Variants in MACROD2 observed in about 807,000 individuals in gnomAD.
MACROD2 encodes the protein mono-ADP ribosylhydrolase 2, also known as ADP-ribose glycohydrolase MACROD2.
A neutral mutation model predicts 70.4 loss-of-function variants in MACROD2; 36 were observed. The ratio of observed to expected loss-of-function variants is 0.51; its 90% CI spans 0.39 to 0.68. The LOEUF is 0.68. Among genes scored for constraint, MACROD2 ranks in the 30% least tolerant of loss-of-function variants. The probability of loss-of-function intolerance (pLI) is 0.00; values close to 1 mark genes in which losing one functional copy is unlikely to be tolerated. For synonymous variants in MACROD2, 172 were observed against 178.8 expected, an observed-to-expected ratio of 0.96 and a Z score of 0.30; for missense variants, 496 against 538.4, an observed-to-expected ratio of 0.92 and a Z score of 0.78.
chr20:15,250,737 T>C (rs188475777), intron 6 of MACROD2, among the ~76,000 whole-genome samples: 1 of 152,324 alleles, frequency 6.6e-6, no homozygotes, highest in Admixed American at 6.5e-5. Context: ...ATCTCAGCTC[T>C]GTCTTCTCTT....
chr20:15,222,007 G>A (rs577118937), intron 5 of MACROD2, among the ~76,000 whole-genome samples: 5 of 152,142 alleles, frequency 3.3e-5, no homozygotes, highest in Non-Finnish European at 5.9e-5. Context: ...AGGAGGGTGA[G>A]AGAGGTAAAC....
At chr20:15,620,632 C>A (rs892403791) in intron 8 of MACROD2, among the ~76,000 whole-genome samples, 1 of 152,108 alleles carries the variant, frequency 6.6e-6, no homozygotes, top group African/African-American at 2.4e-5. Flanking sequence ...TTAGACTATT[C>A]ATGTAATTTA....
At chr20:14,301,250 A>T (rs2082472737) in intron 3 of MACROD2, among the ~76,000 whole-genome samples, 1 of 152,168 alleles carries the variant, frequency 6.6e-6, no homozygotes. Context: ...AAAGATTTGC[A>T]TGTGAATATA....
At chr20:15,101,134 C>T (rs1198538409) in intron 5 of MACROD2, among the ~76,000 whole-genome samples, 1 of 152,014 alleles carries the variant, frequency 6.6e-6, no homozygotes, top group Non-Finnish European at 1.5e-5. Context: ...TGTACAGGTA[C>T]AGTAAGTTGA....
intron 6 of MACROD2, among the ~76,000 whole-genome samples, chr20:15,266,400 T>G (rs1345238864): frequency 6.6e-6 from 1 of 152,180 alleles, no homozygotes; most frequent in Non-Finnish European, 1.5e-5. Flanking sequence ...ACAATGAACT[T>G]GTGTTGACTA....
intron 7 of MACROD2, among the ~76,000 whole-genome samples, chr20:15,460,230 G>A (rs2046789019): frequency 6.6e-6 from 1 of 152,134 alleles, no homozygotes; most frequent in African/African-American, 2.4e-5. Context: ...ATAAGAAGGA[G>A]GTGCAGGTAA....
intron 8 of MACROD2, among the ~76,000 whole-genome samples, chr20:15,642,424 C>T (rs2049473999): frequency 6.6e-6 from 1 of 152,004 alleles, no homozygotes; most frequent in African/African-American, 2.4e-5. Context: ...TCGAATTCAA[C>T]CTTCTGTGAG....
intron 5 of MACROD2, among the ~76,000 whole-genome samples, chr20:15,074,769 G>A (rs951790470): frequency 7.2e-5 from 11 of 152,268 alleles, no homozygotes; most frequent in Admixed American, 1.3e-4. Context: ...TGTCAGAAGC[G>A]TTCTGTGTGA....
chr20:15,035,456 A>G (rs62202790), intron 5 of MACROD2, among the ~76,000 whole-genome samples: 5,287 of 152,260 alleles, frequency 0.035, 146 homozygotes, highest in Middle Eastern at 0.051. Flanking sequence ...AAAAAATTGT[A>G]GTCAAATTTG....
chr20:14,817,765 A>G (rs142279554), intron 5 of MACROD2, among the ~76,000 whole-genome samples: 102 of 152,280 alleles, frequency 6.7e-4, no homozygotes, highest in African/African-American at 2.1e-3. Flanking sequence ...GAGTTAAGGG[A>G]CAACGGAGGT....
intron 2 of MACROD2, among the ~76,000 whole-genome samples, chr20:14,076,390 C>G (rs1479037572): frequency 6.6e-6 from 1 of 152,026 alleles, no homozygotes; most frequent in Non-Finnish European, 1.5e-5. Flanking sequence ...GTAGATCACA[C>G]CTGTAATCCC....
chr20:15,918,370 T>C (rs1259672792), intron 10 of MACROD2, among the ~76,000 whole-genome samples: 2 of 152,238 alleles, frequency 1.3e-5, no homozygotes, highest in Non-Finnish European at 2.9e-5. Flanking sequence ...TCAAGTAGTA[T>C]ATGCGTATAT....
intron 5 of MACROD2, among the ~76,000 whole-genome samples, chr20:15,079,774 A>G (rs112531959): frequency 0.023 from 3,427 of 152,020 alleles, 117 homozygotes; most frequent in African/African-American, 0.079. Context: ...AAAGCTCACA[A>G]CCACACTCTG....
chr20:14,960,368 C>T lies in MACROD2; in HGVS notation c.419-269572C>T, dbSNP rs556670691. On this transcript the variant is annotated intron_variant, in intron 5 of 17. Coordinates refer to ENST00000684519, the MANE Select transcript of MACROD2 (RefSeq NM_001351661.2). ...CCCCAGCAGAAAGCTCCCACACCAT[C>T]CTGTGTGCAGACTTCCCAGGGGGAG... Among the ~76,000 whole-genome samples the T allele has an allele frequency of 5.3e-5, 8 of 152,302 alleles. No homozygotes were observed. In the South Asian group the frequency reaches 8.3e-4, roughly 16 times the overall value.
chr20:15,351,734 G>A (rs1275770113), intron 6 of MACROD2, among the ~76,000 whole-genome samples: 2 of 152,136 alleles, frequency 1.3e-5, no homozygotes, highest in African/African-American at 4.8e-5. Flanking sequence ...GACCTTCTTG[G>A]AGAATGTGCC....
rs1191454578 is a variant in MACROD2, at chr20:14,923,803, G to T, written c.418+238844G>T. ...TGGCGGTGCGTTGGGGGAGGGGGGG[G>T]CGGCGGGGCGGGGAGGGGGTGGAGG... is the stretch of plus-strand genomic sequence containing the variant. On this transcript the variant is annotated intron_variant, in intron 5 of 17. Transcript: ENST00000684519. Among the ~76,000 whole-genome samples, 9 of 131,012 alleles carry T rather than the reference G, an allele frequency of 6.9e-5. 1 individual carries two copies. The allele number at this position is 131,012 out of a possible 152,430, so 85.9% of individuals were successfully genotyped here. A position where few individuals can be genotyped will look rare whatever the true frequency, so the allele number is the denominator to read the frequency against.
At chr20:14,410,860 A>G (rs1339170226) in intron 3 of MACROD2, among the ~76,000 whole-genome samples, 1 of 152,120 alleles carries the variant, frequency 6.6e-6, no homozygotes, top group Non-Finnish European at 1.5e-5. Context: ...CTCAACTACA[A>G]ACACTCTCAT....
chr20:15,099,685 GGAC>G, intron 5 of MACROD2, among the ~76,000 whole-genome samples: 1 of 152,132 alleles, frequency 6.6e-6, no homozygotes, highest in East Asian at 1.9e-4. Flanking sequence ...AAGGGGTGAT[GGAC>G]ACAGGCGGGA....
In MACROD2 at chr20:15,823,145, G is replaced by A. The variant is rs1457056886; in HGVS notation, c.646-39600G>A. ...GCAACATGGATAAATATTTGAAAGAGTATTGCTAATGACAAAGCAAAAGTG... is the reference window on the plus strand; with the variant it reads ...GCAACATGGATAAATATTTGAAAGAATATTGCTAATGACAAAGCAAAAGTG... On this transcript the variant is annotated intron_variant, in intron 8 of 17. Coordinates refer to ENST00000684519, the MANE Select transcript of MACROD2 (RefSeq NM_001351661.2). 2.6e-5 allele frequency among the ~76,000 whole-genome samples: 4 copies of A among 152,176 alleles called. No individual in the cohort carries two copies. The East Asian group carries it at 5.8e-4, about 22-fold the overall frequency.
Sources: allele counts gnomAD v4.1 joint callset (sites outside exome capture counted in the v4.1 genomes callset), GRCh38; gene constraint gnomAD v4.1.1; transcripts MANE v1.5; gene names NCBI Gene and HGNC (gene_info 2026-07-23, HGNC 2026-07-21).